The following MMD2 variants were observed in gnomAD, a reference collection of about 807,000 sequenced individuals.
MMD2 encodes monocyte to macrophage differentiation associated 2, also known as monocyte to macrophage differentiation factor 2.
Under a neutral mutation model 33.5 loss-of-function variants are expected in MMD2, and 30 were observed. That is an observed-to-expected ratio of 0.90 (90% confidence interval 0.67 to 1.22). The LOEUF (loss-of-function observed/expected upper bound fraction) is 1.22. Ranked by LOEUF, MMD2 falls within the 50% of genes most tolerant of loss-of-function variation. MMD2 has a pLI of 0.00. For missense variants in MMD2, 364 were observed against 325.4 expected, an observed-to-expected ratio of 1.12 and a Z score of -0.91; for synonymous variants, 129 against 123.0, an observed-to-expected ratio of 1.05 and a Z score of -0.32.
intron 2 of MMD2, among the ~76,000 whole-genome samples, chr7:4,921,450 C>A (rs1785282034): frequency 6.6e-6 from 1 of 151,920 alleles, no homozygotes; most frequent in Non-Finnish European, 1.5e-5. Flanking sequence ...GAAACCCCGT[C>A]TCAACTGAAA....
chr7:4,949,811 G>C (rs113302134), intron 1 of MMD2, among the ~76,000 whole-genome samples: 186 of 152,098 alleles, frequency 1.2e-3, no homozygotes, highest in African/African-American at 4.3e-3. Flanking sequence ...CAGAATATCA[G>C]TCTTTTTATG....
chr7:4,937,675 A>T (rs899818850), intron 1 of MMD2, among the ~76,000 whole-genome samples: 9 of 152,042 alleles, frequency 5.9e-5, no homozygotes, highest in African/African-American at 2.2e-4. Context: ...TACCCAGCTA[A>T]TTTTTAATTT....
chr7:4,906,950 C>A lies in MMD2; in HGVS notation c.*446G>T, dbSNP rs1013991569. On this transcript the variant is annotated 3_prime_UTR_variant, in exon 7 of 7. Coordinates refer to ENST00000401401, the MANE Select transcript of MMD2 (RefSeq NM_198403.4). ...CCTCATCTTCAAGCTGGGCTGTCCC[C>A]TTTCCCTGAACCAGAGACAATTCGC... 8.4e-6 allele frequency: 2 copies of A among 237,462 alleles called. No homozygotes were observed. Among genetic ancestry groups the A allele is most frequent in the Non-Finnish European group, 1.6e-5 (2 of 122,444 alleles). 14.7% of individuals were successfully genotyped at this position (237,462 alleles called of 1,614,324 possible). A position where few individuals can be genotyped will look rare whatever the true frequency, so the allele number is the denominator to read the frequency against.
At chr7:4,950,300 G>T (rs531463716) in intron 1 of MMD2, among the ~76,000 whole-genome samples, 1 of 152,140 alleles carries the variant, frequency 6.6e-6, no homozygotes, top group East Asian at 1.9e-4. Context: ...GTTTCTCCAC[G>T]TTGGTCAGTC....
intron 4 of MMD2, among the ~76,000 whole-genome samples, chr7:4,912,850 C>A (rs1003021811): frequency 6.6e-6 from 1 of 151,994 alleles, no homozygotes; most frequent in Non-Finnish European, 1.5e-5. Flanking sequence ...GGATTACAGG[C>A]GTACCACCAT....
the MMD2 span, among the ~76,000 whole-genome samples, chr7:4,899,825 T>C: frequency 1.3e-5 from 2 of 152,140 alleles, no homozygotes; most frequent in Non-Finnish European, 2.9e-5. Context: ...GGTCACATGA[T>C]ACACAGGTAA....
chr7:4,930,403 G>C (rs1320543904), intron 1 of MMD2, among the ~76,000 whole-genome samples: 2 of 152,004 alleles, frequency 1.3e-5, no homozygotes, highest in African/African-American at 4.8e-5. Context: ...ACTTTGGGAA[G>C]CGGAGGTGGG....
intron 1 of MMD2, among the ~76,000 whole-genome samples, chr7:4,939,386 C>A (rs968466063): frequency 1.3e-5 from 2 of 151,822 alleles, no homozygotes; most frequent in African/African-American, 4.8e-5. Context: ...AAAAAAAAAA[C>A]TTAAAAATTA....
chr7:4,903,335 G>GC (rs1252853694), downstream of MMD2, among the ~76,000 whole-genome samples: 5 of 151,946 alleles, frequency 3.3e-5, no homozygotes, highest in African/African-American at 1.2e-4. Context: ...CCCTGTGCAA[G>GC]CCCCCTGCCC....
In MMD2 at chr7:4,946,216, CATGCACACAT is replaced by C. The variant is rs1786083274; in HGVS notation, c.47+12745_47+12754del. On this transcript the variant is annotated intron_variant, in intron 1 of 6. Coordinates refer to ENST00000401401, the MANE Select transcript of MMD2 (RefSeq NM_198403.4). The surrounding 1 kb of genome is among the most constrained non-coding windows in gnomAD (Gnocchi z 5.0). ...ACACCCACACACACGCATGCACACACATGCACACATACACGCACACACACGCACACCCCAC... is the reference window on the plus strand; with the variant it reads ...ACACCCACACACACGCATGCACACACACACGCACACACACGCACACCCCAC... Among the ~76,000 whole-genome samples the C allele has an allele frequency of 6.6e-6, 1 of 151,902 alleles. No homozygotes were observed. Among genetic ancestry groups the C allele is most frequent in the African/African-American group, 2.4e-5 (1 of 41,354 alleles).
At position 4,920,305 on chromosome 7, in the gene MMD2, G is replaced by A. The variant is rs1403443235; in HGVS notation, c.156C>T (p.Gly52=). The change falls in exon 3 of 7, where the codon GGC becomes GGT. Residue 52 remains glycine, a synonymous_variant. Transcript: ENST00000401401. ...HAFWIIPSIL[G]SSNLYFLSDD... is the part of the protein sequence containing the mutation. ...CCGACAGGAAGTAGAGGTTGGAGCT[G>A]CCCAGGATGCTGGGGATGATCCAGA... The A allele has an allele frequency of 6.2e-7, 1 of 1,609,190 alleles. No homozygotes were observed. The highest frequency in any genetic ancestry group is 2.2e-5 in the East Asian group (1 of 44,754).
chr7:4,899,980 G>A, the MMD2 span, among the ~76,000 whole-genome samples: 1 of 151,992 alleles, frequency 6.6e-6, no homozygotes, highest in Non-Finnish European at 1.5e-5. Flanking sequence ...ACAAGCTGAA[G>A]GTATGTGAGC....
intron 1 of MMD2, among the ~76,000 whole-genome samples, chr7:4,951,097 C>A (rs940951955): frequency 6.6e-6 from 1 of 152,040 alleles, no homozygotes; most frequent in Non-Finnish European, 1.5e-5. Context: ...ACAGGCAACT[C>A]CCACAGTCCA....
chr7:4,934,434 A>G (rs140551845), intron 1 of MMD2, among the ~76,000 whole-genome samples: 68 of 152,322 alleles, frequency 4.5e-4, no homozygotes, highest in African/African-American at 1.5e-3. Context: ...AAATGCGTAG[A>G]TAAAATTGAG....
intron 4 of MMD2, among the ~76,000 whole-genome samples, chr7:4,915,615 C>G (rs1208322732): frequency 6.6e-6 from 1 of 151,880 alleles, no homozygotes; most frequent in Non-Finnish European, 1.5e-5. Flanking sequence ...TGGCGCGTGC[C>G]TGTAATCCCA....
chr7:4,934,418 C>T (rs1305435397), intron 1 of MMD2, among the ~76,000 whole-genome samples: 1 of 152,152 alleles, frequency 6.6e-6, no homozygotes, highest in Non-Finnish European at 1.5e-5. Flanking sequence ...GCATGTTTAA[C>T]AAGTGAAATG....
chr7:4,952,084 T>C (rs1786260511), intron 1 of MMD2, among the ~76,000 whole-genome samples: 1 of 152,126 alleles, frequency 6.6e-6, no homozygotes. Flanking sequence ...CAGCTGTGGG[T>C]AGTGGACAAG....
chr7:4,945,240 C>CTTCTTCTTCTTCTTCTTCTTCTTCT (rs1491481447), intron 1 of MMD2, among the ~76,000 whole-genome samples: 109 of 16,584 alleles, frequency 6.6e-3, no homozygotes, highest in Middle Eastern at 0.071. Context: ...CTTCTTCTTC[C>CTTCTTCTTCTTCTTCTTCTTCTTCT]TCTCTCTCTT....
At chr7:4,902,421 C>A (rs560235486), downstream of MMD2, among the ~76,000 whole-genome samples, 1 of 152,182 alleles carries the variant, frequency 6.6e-6, no homozygotes, top group Non-Finnish European at 1.5e-5. Flanking sequence ...GCTGGGTGCC[C>A]TCGGGAAAAT....
Sources: allele counts gnomAD v4.1 joint callset (sites outside exome capture counted in the v4.1 genomes callset), GRCh38; gene constraint gnomAD v4.1.1; non-coding constraint Gnocchi (gnomAD v3.1); transcripts MANE v1.5; gene names NCBI Gene and HGNC (gene_info 2026-07-23, HGNC 2026-07-21).